The following LRRC7 variants were observed in gnomAD, a reference collection of about 807,000 sequenced individuals.
LRRC7 encodes the protein leucine-rich repeat-containing protein 7.
In LRRC7, 23 loss-of-function variants were observed where a neutral mutation model predicts 175.7. That is an observed-to-expected ratio of 0.13 (90% CI 0.09 to 0.19). LRRC7 has a LOEUF of 0.19. Ranked by LOEUF, LRRC7 falls within the 10% of genes least tolerant of loss-of-function variation. LRRC7 has a pLI of 1.00. For synonymous variants in LRRC7, 685 were observed against 680.9 expected, an observed-to-expected ratio of 1.01 and a Z score of -0.09; for missense variants, 1,354 against 1,904.7, an observed-to-expected ratio of 0.71 and a Z score of 5.38.
At chr1:70,014,069 A>AAGC (rs1478527684) in intron 13 of LRRC7, 1 of 152,032 alleles carries the variant, frequency 6.6e-6, no homozygotes, top group Non-Finnish European at 1.5e-5. Flanking sequence ...GGTGACAAGG[A>AAGC]AGCACCAAAG....
At position 69,573,935 on chromosome 1, in the gene LRRC7, T is replaced by C. The variant is rs1464633725; in HGVS notation, c.2+5294T>C. On this transcript the variant is annotated intron_variant, in intron 1 of 26. Coordinates refer to ENST00000651989, the MANE Select transcript of LRRC7 (RefSeq NM_001370785.2). ...TTGTTTACATTGTTTAAATAATTCA[T>C]TTATAGGCTTCTTAAAGATGCAGTT... Among the ~76,000 whole-genome samples the C allele has an allele frequency of 3.9e-5, 6 of 152,166 alleles. No individual in the cohort carries two copies. The East Asian group carries it at 1.2e-3, about 29-fold the overall frequency.
chr1:69,731,441 A>G (rs1667571495), intron 2 of LRRC7, among the ~76,000 whole-genome samples: 3 of 152,152 alleles, frequency 2.0e-5, no homozygotes, highest in Admixed American at 2.0e-4. Context: ...TCAAGATAAG[A>G]TTTGGGTGGA....
At chr1:70,107,616 A>AT in intron 25 of LRRC7, 136 bp from the exon 26 acceptor site, 1 of 582,184 alleles carries the variant, frequency 1.7e-6, no homozygotes. Context: ...TTAAAATACT[A>AT]TAATATTCTT....
chr1:69,985,884 G>A (rs113282050), intron 9 of LRRC7, among the ~76,000 whole-genome samples: 1,725 of 152,168 alleles, frequency 0.011, 38 homozygotes, highest in African/African-American at 0.039. Flanking sequence ...TTCATCAGTT[G>A]ACGGACATTT....
chr1:70,037,512 C>T (rs1558011386), intron 20 of LRRC7, among the ~76,000 whole-genome samples: 2 of 152,086 alleles, frequency 1.3e-5, no homozygotes, highest in Admixed American at 6.6e-5. Flanking sequence ...GAATATGCTC[C>T]CTATACAATA....
At chr1:69,677,486 T>A (rs985912377) in intron 1 of LRRC7, among the ~76,000 whole-genome samples, 5 of 151,814 alleles carry the variant, frequency 3.3e-5, no homozygotes, top group African/African-American at 1.2e-4. Flanking sequence ...CTTTGAGAAA[T>A]CTCCATACTG....
intron 1 of LRRC7, among the ~76,000 whole-genome samples, chr1:69,673,898 A>T (rs1659440027): frequency 6.6e-6 from 1 of 152,184 alleles, no homozygotes; most frequent in African/African-American, 2.4e-5. Flanking sequence ...TGATGGAAGC[A>T]AAAATTTCAG....
chr1:69,634,750 A>G (rs1653055882), intron 1 of LRRC7, among the ~76,000 whole-genome samples: 1 of 152,166 alleles, frequency 6.6e-6, no homozygotes, highest in Non-Finnish European at 1.5e-5. Context: ...ACATGGCACA[A>G]TGCAGCCACT....
At chr1:69,748,114 G>C (rs1669451280) in intron 2 of LRRC7, among the ~76,000 whole-genome samples, 1 of 151,998 alleles carries the variant, frequency 6.6e-6, no homozygotes, top group Non-Finnish European at 1.5e-5. Context: ...ACAAAACCCT[G>C]GTTATTTAGT....
At chr1:70,059,843 A>G (rs1445520834) in intron 23 of LRRC7, among the ~76,000 whole-genome samples, 2 of 152,104 alleles carry the variant, frequency 1.3e-5, no homozygotes, top group South Asian at 2.1e-4. Context: ...TTACTTGGTA[A>G]TATAAGTCAG....
At chr1:69,770,317 A>T (rs994444411) in intron 3 of LRRC7, among the ~76,000 whole-genome samples, 6 of 152,216 alleles carry the variant, frequency 3.9e-5, no homozygotes, top group Non-Finnish European at 5.9e-5. Context: ...TGATATTTGT[A>T]ACTTAAGATG....
Position 70,124,562 on chromosome 1 carries a change from A to C in LRRC7, c.*2675A>C, listed in dbSNP as rs974885247. Among the ~76,000 whole-genome samples the C allele has an allele frequency of 1.3e-5, 2 of 152,122 alleles. No homozygotes were observed. Among genetic ancestry groups the C allele is most frequent in the African/African-American group, 4.8e-5 (2 of 41,424 alleles). On this transcript the variant is annotated 3_prime_UTR_variant, in exon 27 of 27. Coordinates refer to ENST00000651989, the MANE Select transcript of LRRC7 (RefSeq NM_001370785.2). ...TAAATTATTTATTTAAGTAGAAAAG[A>C]GGCAATTTTTTTTAGGTTGACTGAA...
At chr1:69,577,557 T>A (rs1406894921) in intron 1 of LRRC7, among the ~76,000 whole-genome samples, 2 of 152,166 alleles carry the variant, frequency 1.3e-5, no homozygotes, top group Non-Finnish European at 2.9e-5. Context: ...AATTTTTGTA[T>A]AAGGTGTAAG....
intron 7 of LRRC7, among the ~76,000 whole-genome samples, chr1:69,879,418 A>C (rs1206484297): frequency 6.6e-6 from 1 of 152,066 alleles, no homozygotes; most frequent in South Asian, 2.1e-4. Flanking sequence ...AGCAGCAAAG[A>C]CGGTTTCTGA....
intron 1 of LRRC7, among the ~76,000 whole-genome samples, chr1:69,673,991 T>TTA (rs773321180): frequency 2.6e-5 from 4 of 151,954 alleles, no homozygotes; most frequent in Non-Finnish European, 4.4e-5. Context: ...AATATCATAT[T>TTA]TATATATATT....
At chr1:70,018,651 A>G in intron 14 of LRRC7, 68 bp from the exon 15 acceptor site, 2 of 1,034,866 alleles carry the variant, frequency 1.9e-6, no homozygotes, top group Non-Finnish European at 2.9e-6. Context: ...TATCTGAGTG[A>G]GACCAGACTA....
intron 7 of LRRC7, among the ~76,000 whole-genome samples, chr1:69,898,958 T>TA (rs1646057704): frequency 6.6e-6 from 1 of 152,166 alleles, no homozygotes; most frequent in African/African-American, 2.4e-5. Context: ...AGCATCTCAG[T>TA]AAGAGGGAGT....
At chr1:70,028,973 A>G (rs1463181525) in intron 18 of LRRC7, among the ~76,000 whole-genome samples, 1 of 152,156 alleles carries the variant, frequency 6.6e-6, no homozygotes, top group African/African-American at 2.4e-5. Context: ...CACCTCTACT[A>G]TTTCATCAAC....
intron 8 of LRRC7, among the ~76,000 whole-genome samples, chr1:69,934,712 A>G (rs974259046): frequency 2.6e-5 from 4 of 152,022 alleles, no homozygotes; most frequent in Non-Finnish European, 4.4e-5. Flanking sequence ...AAGTCAAACA[A>G]GTATTATTTG....
Sources: allele counts gnomAD v4.1 joint callset (sites outside exome capture counted in the v4.1 genomes callset), GRCh38; gene constraint gnomAD v4.1.1; transcripts MANE v1.5; gene names NCBI Gene and HGNC (gene_info 2026-07-23, HGNC 2026-07-21).